TEAD1: variants seen among roughly 807,000 people sequenced by gnomAD.
TEAD1 encodes the protein TEA domain transcription factor 1.
TEAD1 carries 9 observed loss-of-function variants against 54.9 expected under a neutral mutation model. That is an observed-to-expected ratio of 0.16 (90% confidence interval 0.10 to 0.29). The LOEUF is 0.29. Ranked by LOEUF, TEAD1 falls within the 10% of genes least tolerant of loss-of-function variation. TEAD1 has a pLI of 1.00. For synonymous variants in TEAD1, 200 were observed against 187.8 expected (o/e 1.07, Z -0.53); for missense variants, 387 against 535.9 (o/e 0.72, Z 2.74).
chr11:12,856,419 G>A (rs1022231791), intron 3 of TEAD1, among the ~76,000 whole-genome samples: 3 of 152,106 alleles, frequency 2.0e-5, no homozygotes, highest in Admixed American at 6.5e-5. Flanking sequence ...GGAAAGGGGA[G>A]GCCTCCACCA....
At chr11:12,829,909 G>T (rs769025636) in intron 3 of TEAD1, among the ~76,000 whole-genome samples, 3 of 152,212 alleles carry the variant, frequency 2.0e-5, no homozygotes, top group Non-Finnish European at 4.4e-5. Flanking sequence ...ACATGTATGG[G>T]TTGGGTAGGG....
chr11:12,918,322 A>C (rs535789891), intron 10 of TEAD1, among the ~76,000 whole-genome samples: 1 of 149,828 alleles, frequency 6.7e-6, no homozygotes, highest in African/African-American at 2.4e-5. Context: ...TATATATATA[A>C]AATTATATAT....
chr11:12,779,828 C>T (rs1945508169), intron 3 of TEAD1, among the ~76,000 whole-genome samples: 1 of 152,162 alleles, frequency 6.6e-6, no homozygotes, highest in Admixed American at 6.5e-5. Context: ...GAAAAAACCA[C>T]ATTTTTATCT....
At chr11:12,829,977 G>C (rs1356479999) in intron 3 of TEAD1, among the ~76,000 whole-genome samples, 2 of 152,178 alleles carry the variant, frequency 1.3e-5, no homozygotes, top group South Asian at 4.1e-4. Context: ...AGGTCAGAGA[G>C]GTTTGATGAG....
At chr11:12,878,789 GTATATATACACA>G in intron 5 of TEAD1, 2 of 661,464 alleles carry the variant, frequency 3.0e-6, no homozygotes, top group Non-Finnish European at 4.4e-6. Flanking sequence ...ATATACATAT[GTATATATACACA>G]TATATATATG....
At chr11:12,778,253 A>G (rs575993369) in intron 3 of TEAD1, among the ~76,000 whole-genome samples, 2 of 152,252 alleles carry the variant, frequency 1.3e-5, no homozygotes, top group South Asian at 2.1e-4. Flanking sequence ...TGGGGTTCCT[A>G]TCCTGGCTCC....
chr11:12,769,555 G>A (rs763045192), intron 3 of TEAD1, among the ~76,000 whole-genome samples: 3 of 152,084 alleles, frequency 2.0e-5, no homozygotes, highest in Non-Finnish European at 2.9e-5. Flanking sequence ...TCTCATAACA[G>A]CTCTTTGAGG....
At chr11:12,866,144 A>G (rs984479994) in intron 5 of TEAD1, among the ~76,000 whole-genome samples, 2 of 152,154 alleles carry the variant, frequency 1.3e-5, no homozygotes, top group African/African-American at 2.4e-5. Context: ...GAGCAGTTGG[A>G]AGACTAAGAT....
Position 12,925,049 on chromosome 11 carries a change from A to G in TEAD1, c.1011A>G (p.Val337=). The G allele has an allele frequency of 6.2e-7, 1 of 1,614,074 alleles. No individual in the cohort carries two copies. The highest frequency in any genetic ancestry group is 2.2e-5 in the East Asian group (1 of 44,878). Residue 337 remains valine, a synonymous_variant, in exon 11 of 13, where the codon GTA becomes GTG. Coordinates refer to ENST00000527636, the MANE Select transcript of TEAD1 (RefSeq NM_021961.6). Reference sequence around the variant, plus strand: ...TTGGGAAGCAAGTAGTAGAAAAAGTAGAGGTAAGTTGGCCTCTGTATACTG... The same window carrying G: ...TTGGGAAGCAAGTAGTAGAAAAAGTGGAGGTAAGTTGGCCTCTGTATACTG...
At chr11:12,731,653 T>A (rs1466180017) in intron 2 of TEAD1, among the ~76,000 whole-genome samples, 1 of 152,232 alleles carries the variant, frequency 6.6e-6, no homozygotes, top group Non-Finnish European at 1.5e-5. Flanking sequence ...TAAACCATGC[T>A]GTAATAAATA....
intron 2 of TEAD1, among the ~76,000 whole-genome samples, chr11:12,705,673 G>T (rs919887218): frequency 1.3e-5 from 2 of 152,174 alleles, no homozygotes; most frequent in Admixed American, 1.3e-4. Flanking sequence ...AAAGTTGTGT[G>T]TTGCATATAC....
chr11:12,908,236 A>G (rs1017988874), intron 10 of TEAD1, among the ~76,000 whole-genome samples: 3 of 152,114 alleles, frequency 2.0e-5, no homozygotes, highest in African/African-American at 7.2e-5. Context: ...ACCCCAGGAT[A>G]CAGTGTTCCT....
chr11:12,823,082 A>G (rs1443389114), intron 3 of TEAD1, among the ~76,000 whole-genome samples: 1 of 152,150 alleles, frequency 6.6e-6, no homozygotes, highest in Non-Finnish European at 1.5e-5. Context: ...CCATTCCCCC[A>G]GCACATCTCA....
At chr11:12,730,125 CATTT>C (rs1470260021) in intron 2 of TEAD1, among the ~76,000 whole-genome samples, 1 of 152,184 alleles carries the variant, frequency 6.6e-6, no homozygotes, top group Non-Finnish European at 1.5e-5. Context: ...ATACAGGACT[CATTT>C]ATCACTCATA....
Position 12,937,194 on chromosome 11 carries a change from A to T in TEAD1, c.1253A>T (p.His418Leu). ...TCAAATAGTGAACACGGAGCACAAC[A>T]TCATATTTACAGGCTTGTAAAGGAC... Residue 418 changes from histidine to leucine, a missense_variant, in exon 13 of 13, where the codon CAT becomes CTT. By Grantham distance (99) the His-to-Leu change is moderately conservative (BLOSUM62 -3). Transcript: ENST00000527636. 1 of 1,613,972 alleles carries T rather than the reference A, an allele frequency of 6.2e-7. No homozygotes were observed. Among genetic ancestry groups the T allele is most frequent in the Non-Finnish European group, 8.5e-7 (1 of 1,179,872 alleles).
chr11:12,800,652 A>G (rs1034558281), intron 3 of TEAD1, among the ~76,000 whole-genome samples: 87 of 152,204 alleles, frequency 5.7e-4, no homozygotes, highest in Non-Finnish European at 5.4e-4. Flanking sequence ...AGGGAATGCA[A>G]TGAAAGTGAA....
chr11:12,757,502 A>G (rs1406044789), intron 2 of TEAD1, among the ~76,000 whole-genome samples: 2 of 152,224 alleles, frequency 1.3e-5, no homozygotes, highest in East Asian at 1.9e-4. Flanking sequence ...CAGAAGGACT[A>G]TTAGTTGCCA....
intron 6 of TEAD1, among the ~76,000 whole-genome samples, chr11:12,880,195 TG>T (rs1947938153): frequency 6.6e-6 from 1 of 152,240 alleles, no homozygotes; most frequent in South Asian, 2.1e-4. Context: ...ATCTTTTTCC[TG>T]GCCCTTGGTC....
At chr11:12,929,855 C>T (rs1022934119) in intron 11 of TEAD1, among the ~76,000 whole-genome samples, 1 of 152,160 alleles carries the variant, frequency 6.6e-6, no homozygotes, top group East Asian at 1.9e-4. Context: ...CCTGCTCTTA[C>T]AGATCTCCTC....
Sources: allele counts gnomAD v4.1 joint callset (sites outside exome capture counted in the v4.1 genomes callset), GRCh38; gene constraint gnomAD v4.1.1; transcripts MANE v1.5; gene names NCBI Gene and HGNC (gene_info 2026-07-23, HGNC 2026-07-21).